Variants in HSPG2 observed in about 807,000 individuals in gnomAD.
HSPG2 encodes basement membrane-specific heparan sulfate proteoglycan core protein.
Under a neutral mutation model 526.6 loss-of-function variants are expected in HSPG2, and 278 were observed. The observed-to-expected ratio is 0.53, with a 90% CI of 0.48 to 0.58. The LOEUF is 0.58. HSPG2 is among the 20% of genes least tolerant of loss of function. The pLI is 0.00. For missense variants in HSPG2, 5,354 were observed against 6,099.5 expected (o/e 0.88, Z 4.07); for synonymous variants, 2,465 against 2,555.4 (o/e 0.96, Z 1.07).
At chr1:21,832,350 T>G (rs1325603157) in intron 81 of HSPG2, 145 bp downstream of exon 81, 1 of 683,946 alleles carries the variant, frequency 1.5e-6, no homozygotes, top group African/African-American at 1.8e-5. Context: ...ATTCCTACTC[T>G]AGCAGATTGG....
chr1:21,854,101 C>T (rs1639137363), intron 50 of HSPG2, 92 bp downstream of exon 50: 5 of 1,363,290 alleles, frequency 3.7e-6, no homozygotes, highest in African/African-American at 1.5e-5. Flanking sequence ...CCTGGAATGC[C>T]CCCCTGTCCT....
intron 1 of HSPG2, among the ~76,000 whole-genome samples, chr1:21,915,350 A>G (rs1446274206): frequency 6.6e-6 from 1 of 152,238 alleles, no homozygotes; most frequent in Admixed American, 6.5e-5. Flanking sequence ...GAGCCCGGAC[A>G]TGGAGATTCC....
At chr1:21,884,723 C>T (rs1399851994) in intron 12 of HSPG2, 44 bp downstream of exon 12, 2 of 1,611,158 alleles carry the variant, frequency 1.2e-6, no homozygotes, top group South Asian at 1.1e-5. Context: ...GTGGGCAGCC[C>T]GGCTCTGCCC....
chr1:21,832,925 C>A, intron 80 of HSPG2: 1 of 557,348 alleles, frequency 1.8e-6, no homozygotes, highest in Non-Finnish European at 3.2e-6. Context: ...CCGTAAGAGA[C>A]GAGAGAAAGA....
chr1:21,839,746 A>T lies in HSPG2; in HGVS notation c.9709+76T>A. Reference sequence around the variant, plus strand: ...CACCCCTGGGCATGACATCATCTCTAGATCACATGTGTCTACATTTCAGAC... The same window carrying T: ...CACCCCTGGGCATGACATCATCTCTTGATCACATGTGTCTACATTTCAGAC... On this transcript the variant is annotated intron_variant, in intron 72 of 96. Coordinates refer to ENST00000374695, the MANE Select transcript of HSPG2 (RefSeq NM_005529.7). The surrounding 1 kb of genome is among the most constrained non-coding windows in gnomAD (Gnocchi z 4.5). The T allele has an allele frequency of 6.6e-7, 1 of 1,510,404 alleles. No homozygotes were observed. The highest frequency in any genetic ancestry group is 9.1e-7 in the Non-Finnish European group (1 of 1,098,026). The allele number at this position is 1,510,404 out of a possible 1,614,324, so 93.6% of individuals were successfully genotyped here. A position where few individuals can be genotyped will look rare whatever the true frequency, so the allele number is the denominator to read the frequency against.
Position 21,842,873 on chromosome 1 carries a change from A to G in HSPG2, c.8807T>C (p.Val2936Ala), listed in dbSNP as rs1421452886. The G allele has an allele frequency of 1.9e-6, 3 of 1,613,906 alleles. No individual in the cohort carries two copies. The highest frequency in any genetic ancestry group is 1.1e-5 in the South Asian group (1 of 91,084). Residue 2936 changes from valine to alanine, a missense_variant, in exon 67 of 97, where the codon GTG (valine) becomes GCG (alanine). Transcript: ENST00000374695. ...CAGATCCAGAGTCTGCCCTTCAGTC[A>G]CGTGTGAAGAGGAGGCCTCGATGTA... ...PIYIEASSSH[V>A]TEGQTLDLNC...
At chr1:21,924,189 G>C (rs999967370) in intron 1 of HSPG2, among the ~76,000 whole-genome samples, 5 of 152,212 alleles carry the variant, frequency 3.3e-5, no homozygotes, top group African/African-American at 1.2e-4. Context: ...TCCCAGATGA[G>C]AAGTAGCTCA....
At chr1:21,889,150 C>T in intron 6 of HSPG2, among the ~76,000 whole-genome samples, 1 of 152,174 alleles carries the variant, frequency 6.6e-6, no homozygotes, top group East Asian at 1.9e-4. Flanking sequence ...AATTGGGCTA[C>T]ACCATAGTAG....
At chr1:21,931,188 G>A (rs979986587) in intron 1 of HSPG2, among the ~76,000 whole-genome samples, 5 of 152,172 alleles carry the variant, frequency 3.3e-5, no homozygotes, top group East Asian at 1.9e-4. Context: ...CAGCACCCCC[G>A]ACCCGGCCAC....
chr1:21,904,676 A>T lies in HSPG2; in HGVS notation c.64-8366T>A, dbSNP rs1572417026. Among the ~76,000 whole-genome samples the T allele has an allele frequency of 1.3e-5, 2 of 152,208 alleles. No homozygotes were observed. Among genetic ancestry groups the T allele is most frequent in the East Asian group, 3.9e-4 (2 of 5,192 alleles). On this transcript the variant is annotated intron_variant, in intron 1 of 96. Transcript: ENST00000374695. This position sits in a 1 kb window ranked among gnomAD's most constrained non-coding sequence, Gnocchi z 4.4. ...CCTCACCCATGTGCCAGGTGTGGCC[A>T]AGGCGGTGGGGGTGGCCTAAGCGGG...
At chr1:21,844,935 A>G (rs1357625452) in intron 64 of HSPG2, among the ~76,000 whole-genome samples, 1 of 152,088 alleles carries the variant, frequency 6.6e-6, no homozygotes, top group Non-Finnish European at 1.5e-5. Context: ...TTTCCTTTCA[A>G]CTGATTCACT....
At chr1:21,866,408 C>T (rs1429583764) in intron 33 of HSPG2, among the ~76,000 whole-genome samples, 1 of 152,204 alleles carries the variant, frequency 6.6e-6, no homozygotes, top group Non-Finnish European at 1.5e-5. Flanking sequence ...TCTGCATAAC[C>T]TACCACTGCC....
Position 21,843,345 on chromosome 1 carries a change from C to T in HSPG2, c.8710G>A (p.Ala2904Thr), listed in dbSNP as rs1468834307. The part of the protein sequence containing the change: ...QVTGSSGTLE[A>T]SVLVTIEPSS... ...GGCTCAATTGTGACCAGGACAGATG[C>T]CTCCAGGGTGCCTGAGCTTCCGGTC... Residue 2904 changes from alanine to threonine, a missense_variant, in exon 66 of 97, where the codon GCA (alanine) becomes ACA (threonine). By Grantham distance (58) the Ala-to-Thr change is moderately conservative (BLOSUM62 0). Coordinates refer to ENST00000374695, the MANE Select transcript of HSPG2 (RefSeq NM_005529.7). 1.9e-6 allele frequency: 3 copies of T among 1,614,012 alleles called. No individual in the cohort carries two copies. The highest frequency in any genetic ancestry group is 1.3e-5 in the African/African-American group (1 of 74,934).
Position 21,850,099 on chromosome 1 carries a change from T to C in HSPG2, c.7388A>G (p.Gln2463Arg). The C allele has an allele frequency of 6.2e-7, 1 of 1,613,466 alleles. No homozygotes were observed. Among genetic ancestry groups the C allele is most frequent in the Non-Finnish European group, 8.5e-7 (1 of 1,180,004 alleles). ...TLDLNCLVAG[Q>R]AHAQVTWHKR... is the part of the protein sequence containing the mutation. Reference sequence around the variant, plus strand: ...GTGCCACGTGACCTGGGCATGGGCCTGACCAGCAACGAGGCAGTTCAGGTC... The same window carrying C: ...GTGCCACGTGACCTGGGCATGGGCCCGACCAGCAACGAGGCAGTTCAGGTC... Residue 2463 changes from glutamine (Q) to arginine (R), a missense_variant, in exon 57 of 97, where the codon CAG becomes CGG. Coordinates refer to ENST00000374695, the MANE Select transcript of HSPG2 (RefSeq NM_005529.7).
At chr1:21,894,203 C>T (rs1642581127) in intron 3 of HSPG2, among the ~76,000 whole-genome samples, 1 of 151,838 alleles carries the variant, frequency 6.6e-6, no homozygotes, top group South Asian at 2.1e-4. Context: ...ACACAGGGGG[C>T]TGGAGCTGAG....
chr1:21,870,793 C>T (rs1273577098), intron 33 of HSPG2: 2 of 984,742 alleles, frequency 2.0e-6, no homozygotes, highest in Non-Finnish European at 2.4e-6. Context: ...GGCACCACGC[C>T]CCACCACACC....
chr1:21,857,018 G>C lies in HSPG2; in HGVS notation c.5572C>G (p.Gln1858Glu). ...CAGGTATAGATGGGAGGTGTACCCTGCACATGTAGAGTGGCTGTGCCCTGG... is the reference window on the plus strand; with the variant it reads ...CAGGTATAGATGGGAGGTGTACCCTCCACATGTAGAGTGGCTGTGCCCTGG... Reference protein sequence around the residue: ...MDQGTATLHVQASGTLSAPVV... With the variant: ...MDQGTATLHVEASGTLSAPVV... The change falls in exon 44 of 97, where the codon CAG (glutamine) becomes GAG (glutamate). Residue 1858 changes from glutamine (Q) to glutamate (E), a missense_variant. By Grantham distance (29) the Gln-to-Glu change is conservative. Coordinates refer to ENST00000374695, the MANE Select transcript of HSPG2 (RefSeq NM_005529.7). 6.2e-7 allele frequency: 1 copy of C among 1,614,070 alleles called. No homozygotes were observed. The highest frequency in any genetic ancestry group is 8.5e-7 in the Non-Finnish European group (1 of 1,179,926).
chr1:21,892,912 G>A lies in HSPG2; in HGVS notation c.245-2218C>T, dbSNP rs371269156. The stretch of plus-strand genomic sequence containing the variant: ...AAAAGGAAAAAAGAACCAGCCTCCA[G>A]AGCCAAGGACACTGGTGCAGCCAGC... On this transcript the variant is annotated intron_variant, in intron 3 of 96. Transcript: ENST00000374695. 2.7e-5 allele frequency among the ~76,000 whole-genome samples: 4 copies of A among 150,006 alleles called. No individual in the cohort carries two copies. The East Asian group carries it at 7.8e-4, about 29-fold the overall frequency.
At chr1:21,854,077 A>C in intron 50 of HSPG2, 116 bp downstream of exon 50, 1 of 1,180,816 alleles carries the variant, frequency 8.5e-7, no homozygotes, top group South Asian at 1.6e-5. Context: ...CAGGCGCTGA[A>C]GGGTCAAAGC....
Sources: allele counts gnomAD v4.1 joint callset (sites outside exome capture counted in the v4.1 genomes callset), GRCh38; gene constraint gnomAD v4.1.1; non-coding constraint Gnocchi (gnomAD v3.1); transcripts MANE v1.5; gene names NCBI Gene and HGNC (gene_info 2026-07-23, HGNC 2026-07-21).